The following MYO9B variants were observed in gnomAD, a reference collection of about 807,000 sequenced individuals.
MYO9B encodes the protein myosin IXB, also known as unconventional myosin-IXb.
In MYO9B, 71 loss-of-function variants were observed where a neutral mutation model predicts 229.5. The ratio of observed to expected loss-of-function variants is 0.31; its 90% CI spans 0.26 to 0.38. The LOEUF (loss-of-function observed/expected upper bound fraction) is 0.38, where lower values mean the gene tolerates loss of function less well. Ranked by LOEUF, MYO9B falls within the 10% of genes least tolerant of loss-of-function variation. The probability of loss-of-function intolerance (pLI) is 1.00; values close to 1 mark genes in which losing one functional copy is unlikely to be tolerated. For synonymous variants in MYO9B, 1,185 were observed against 1,235.8 expected, an observed-to-expected ratio of 0.96 and a Z score of 0.86; for missense variants, 2,255 against 2,920.5, an observed-to-expected ratio of 0.77 and a Z score of 5.25.
intron 22 of MYO9B, among the ~76,000 whole-genome samples, chr19:17,196,971 A>T (rs2073049864): frequency 6.6e-6 from 1 of 151,742 alleles, no homozygotes; most frequent in South Asian, 2.1e-4. Context: ...TGATGGAGGG[A>T]CGGATGGGTA....
Position 17,205,336 on chromosome 19 carries a change from G to C in MYO9B, c.5064G>C (p.Lys1688Asn). ...QSHCSYTYGRKGEPGVEPGHF... is the reference protein window; with the variant it reads ...QSHCSYTYGRNGEPGVEPGHF... ...ACTGCTCCTACACCTACGGGAGGAA[G>C]GTGAGTGTACGAGGCCTGGAACTTT... is the stretch of plus-strand genomic sequence containing the variant. Residue 1688 changes from lysine (K) to asparagine (N), a missense_variant and splice_region_variant, in exon 31 of 40, where the codon AAG (lysine) becomes AAC (asparagine). Lys to Asn is a moderately conservative substitution (Grantham distance 94). Coordinates refer to ENST00000682292, the MANE Select transcript of MYO9B (RefSeq NM_004145.4). 1 of 1,613,602 alleles carries C rather than the reference G, an allele frequency of 6.2e-7. No individual in the cohort carries two copies. The highest frequency in any genetic ancestry group is 1.3e-5 in the African/African-American group (1 of 75,044).
intron 13 of MYO9B, 54 bp from the exon 14 acceptor site, chr19:17,175,609 T>C (rs1381252154): frequency 3.0e-6 from 4 of 1,330,564 alleles, no homozygotes; most frequent in Non-Finnish European, 4.1e-6. Flanking sequence ...TTAAAATAAT[T>C]GCAGCCTCCA....
In MYO9B at chr19:17,204,719, C is replaced by T. The variant is rs140281692; in HGVS notation, c.4991-544C>T. ...GAAATTAGCCAGGCACGGTGGTGCACGCCTGTAGTGCCAGCTACTTGGGAG... is the reference window on the plus strand; with the variant it reads ...GAAATTAGCCAGGCACGGTGGTGCATGCCTGTAGTGCCAGCTACTTGGGAG... On this transcript the variant is annotated intron_variant, in intron 30 of 39. Transcript: ENST00000682292. 7.3e-3 allele frequency among the ~76,000 whole-genome samples: 1,105 copies of T among 152,112 alleles called. 10 individuals are homozygous for T. The highest frequency in any genetic ancestry group is 0.017 in the Middle Eastern group (5 of 294).
At chr19:17,205,551 G>A (rs2073150868) in intron 31 of MYO9B, among the ~76,000 whole-genome samples, 1 of 152,176 alleles carries the variant, frequency 6.6e-6, no homozygotes, top group Admixed American at 6.6e-5. Context: ...GTGTGTCTCA[G>A]CTCCCCCAGC....
Position 17,159,495 on chromosome 19 carries a change from C to T in MYO9B, c.1419+11C>T. Reference sequence around the variant, plus strand: ...TACAGCCTCAGCGAGGTGAGCTCTGCCCAGGCACTCACAGGGTGCCAGATC... The same window carrying T: ...TACAGCCTCAGCGAGGTGAGCTCTGTCCAGGCACTCACAGGGTGCCAGATC... On this transcript the variant is annotated intron_variant, in intron 8 of 39. Coordinates refer to ENST00000682292, the MANE Select transcript of MYO9B (RefSeq NM_004145.4). 1 of 1,601,464 alleles carries T rather than the reference C, an allele frequency of 6.2e-7. No individual in the cohort carries two copies. The highest frequency in any genetic ancestry group is 8.5e-7 in the Non-Finnish European group (1 of 1,173,624).
At chr19:17,158,206 A>G (rs1377118632) in intron 7 of MYO9B, among the ~76,000 whole-genome samples, 1 of 152,126 alleles carries the variant, frequency 6.6e-6, no homozygotes, top group Non-Finnish European at 1.5e-5. Context: ...TTTGCGTTCC[A>G]TTATTGGTAC....
chr19:17,092,863 G>T (rs2057651669), intron 1 of MYO9B, among the ~76,000 whole-genome samples: 1 of 152,102 alleles, frequency 6.6e-6, no homozygotes. Flanking sequence ...GTCCATGTGT[G>T]TGCTGTGTTT....
chr19:17,159,919 C>A (rs1454467562), intron 8 of MYO9B, among the ~76,000 whole-genome samples: 1 of 152,182 alleles, frequency 6.6e-6, no homozygotes, highest in Non-Finnish European at 1.5e-5. Flanking sequence ...ATGACTCCTT[C>A]ATCCCTTCCA....
At chr19:17,142,741 G>C (rs2072357423) in intron 2 of MYO9B, among the ~76,000 whole-genome samples, 1 of 152,122 alleles carries the variant, frequency 6.6e-6, no homozygotes. Context: ...TCACGTCAGG[G>C]AATATTCTTC....
intron 24 of MYO9B, 116 bp downstream of exon 24, chr19:17,198,424 A>G: frequency 7.1e-7 from 1 of 1,413,076 alleles, no homozygotes; most frequent in Non-Finnish European, 9.6e-7. Context: ...ACGTTCGCAA[A>G]GGCATTTGCT....
chr19:17,170,024 G>A (rs1475330251), intron 11 of MYO9B, among the ~76,000 whole-genome samples: 1 of 151,470 alleles, frequency 6.6e-6, no homozygotes, highest in Non-Finnish European at 1.5e-5. Flanking sequence ...TGTATTTTTA[G>A]TAGAGATGGG....
intron 19 of MYO9B, 38 bp downstream of exon 19, chr19:17,188,083 C>T (rs1021901995): frequency 2.2e-5 from 34 of 1,516,878 alleles, no homozygotes; most frequent in South Asian, 4.8e-5. Context: ...ACACCTGTTC[C>T]GTGGCAAAGG....
chr19:17,172,460 G>T lies in MYO9B; in HGVS notation c.1918G>T (p.Val640Leu). ...CATCATCCAGCACTTCGCAGGGAAG[G>T]TGAAATATCAGATCAAGGTAGGTGT... ...AFIIQHFAGK[V>L]KYQIKDFREK... Residue 640 changes from valine (V) to leucine (L), a missense_variant, in exon 12 of 40, where the codon GTG becomes TTG. By Grantham distance (32) the Val-to-Leu change is conservative. Coordinates refer to ENST00000682292, the MANE Select transcript of MYO9B (RefSeq NM_004145.4). The surrounding 1 kb of genome is among the most constrained non-coding windows in gnomAD (Gnocchi z 8.2). The T allele has an allele frequency of 6.2e-7, 1 of 1,613,816 alleles. No individual in the cohort carries two copies. Among genetic ancestry groups the T allele is most frequent in the Non-Finnish European group, 8.5e-7 (1 of 1,179,818 alleles).
chr19:17,172,713 G>A lies in MYO9B; in HGVS notation c.1936-46G>A. On this transcript the variant is annotated intron_variant, in intron 12 of 39. Coordinates refer to ENST00000682292, the MANE Select transcript of MYO9B (RefSeq NM_004145.4). This position sits in a 1 kb window ranked among gnomAD's most constrained non-coding sequence, Gnocchi z 8.2. ...AGCCCGGGGTCTTTGGTAGGCGCCG[G>A]TGAGTGACTATCCCCGAGTGACCGC... The A allele has an allele frequency of 6.2e-7, 1 of 1,600,874 alleles. No homozygotes were observed. Among genetic ancestry groups the A allele is most frequent in the Non-Finnish European group, 8.6e-7 (1 of 1,169,264 alleles).
intron 8 of MYO9B, among the ~76,000 whole-genome samples, chr19:17,160,510 C>CTT (rs34857957): frequency 0.22 from 28,244 of 127,974 alleles, 3,853 homozygotes; most frequent in East Asian, 0.36. Flanking sequence ...TCTTTTTTTT[C>CTT]TTTTTTTTTT....
At chr19:17,186,117 A>T (rs757430043) in intron 18 of MYO9B, 116 bp downstream of exon 18, 1 of 846,234 alleles carries the variant, frequency 1.2e-6, no homozygotes, top group Non-Finnish European at 1.9e-6. Flanking sequence ...GCAGCAGTCC[A>T]TCCAGAGGCA....
intron 11 of MYO9B, among the ~76,000 whole-genome samples, chr19:17,171,340 C>A (rs1418517693): frequency 1.3e-5 from 2 of 152,080 alleles, no homozygotes; most frequent in East Asian, 3.8e-4. Flanking sequence ...ACAATCTCCC[C>A]CTCCCCGGAG....
At chr19:17,151,161 C>T (rs1381488920) in intron 3 of MYO9B, among the ~76,000 whole-genome samples, 2 of 152,058 alleles carry the variant, frequency 1.3e-5, no homozygotes, top group South Asian at 2.1e-4. Flanking sequence ...CGCCTGTAAT[C>T]TCAGCTACTG....
intron 20 of MYO9B, among the ~76,000 whole-genome samples, chr19:17,192,138 T>C (rs1442292974): frequency 6.6e-6 from 1 of 151,640 alleles, no homozygotes; most frequent in Non-Finnish European, 1.5e-5. Flanking sequence ...GTATTTTTAG[T>C]AGAGACAGGG....
Sources: allele counts gnomAD v4.1 joint callset (sites outside exome capture counted in the v4.1 genomes callset), GRCh38; gene constraint gnomAD v4.1.1; non-coding constraint Gnocchi (gnomAD v3.1); transcripts MANE v1.5; gene names NCBI Gene and HGNC (gene_info 2026-07-23, HGNC 2026-07-21).